The following GRID2 variants were observed in gnomAD, a reference collection of about 807,000 sequenced individuals.
The protein encoded by GRID2 is glutamate ionotropic receptor delta type subunit 2, also known as glutamate receptor ionotropic, delta-2.
GRID2 carries 33 observed loss-of-function variants against 114.8 expected under a neutral mutation model. That is an observed-to-expected ratio of 0.29 (90% confidence interval 0.22 to 0.38). The LOEUF (loss-of-function observed/expected upper bound fraction) is 0.38, where lower values mean the gene tolerates loss of function less well. Among genes scored for constraint, GRID2 ranks in the 10% least tolerant of loss-of-function variants. The pLI is 1.00. For synonymous variants in GRID2, 505 were observed against 449.9 expected, an observed-to-expected ratio of 1.12 and a Z score of -1.55; for missense variants, 1,184 against 1,257.7, an observed-to-expected ratio of 0.94 and a Z score of 0.89.
chr4:92,787,377 G>T (rs1166219994), intron 2 of GRID2, among the ~76,000 whole-genome samples: 1 of 151,940 alleles, frequency 6.6e-6, no homozygotes, highest in African/African-American at 2.4e-5. Flanking sequence ...TGAAAAAGAG[G>T]TGAGGAATTT....
intron 2 of GRID2, among the ~76,000 whole-genome samples, chr4:92,709,085 A>G (rs1349338458): frequency 6.6e-6 from 1 of 152,162 alleles, no homozygotes; most frequent in East Asian, 1.9e-4. Context: ...GGGCCATTAT[A>G]CCAGCCCTGG....
At chr4:93,567,653 A>T (rs1735555539) in intron 13 of GRID2, among the ~76,000 whole-genome samples, 1 of 152,194 alleles carries the variant, frequency 6.6e-6, no homozygotes, top group African/African-American at 2.4e-5. Flanking sequence ...AATTTAACAG[A>T]CATATTTTCA....
intron 1 of GRID2, among the ~76,000 whole-genome samples, chr4:93,800,974 A>G (rs1406030440): frequency 6.6e-6 from 1 of 152,228 alleles, no homozygotes; most frequent in Non-Finnish European, 1.5e-5. Flanking sequence ...CATTAGCACA[A>G]AAACGTAATT....
intron 2 of GRID2, among the ~76,000 whole-genome samples, chr4:92,619,455 A>C (rs2149236907): frequency 6.6e-6 from 1 of 151,784 alleles, no homozygotes; most frequent in Non-Finnish European, 1.5e-5. Context: ...TCTGACTAGT[A>C]TTCTAATCTG....
intron 1 of GRID2, among the ~76,000 whole-genome samples, chr4:92,353,988 T>C (rs1728197048): frequency 6.6e-6 from 1 of 152,036 alleles, no homozygotes; most frequent in Non-Finnish European, 1.5e-5. Flanking sequence ...TTGCAATGTT[T>C]TCAAGAAATG....
chr4:92,881,955 T>C (rs1746052441), intron 2 of GRID2, among the ~76,000 whole-genome samples: 2 of 152,178 alleles, frequency 1.3e-5, no homozygotes, highest in African/African-American at 4.8e-5. Context: ...ATGTTAGGAA[T>C]TAATTTTCTA....
chr4:92,732,494 A>G (rs559773685), intron 2 of GRID2, among the ~76,000 whole-genome samples: 1 of 152,166 alleles, frequency 6.6e-6, no homozygotes, highest in South Asian at 2.1e-4. Flanking sequence ...ACAAAGTTTC[A>G]TTACAGAGTG....
intron 7 of GRID2, among the ~76,000 whole-genome samples, chr4:93,230,720 G>T (rs1746030946): frequency 6.9e-6 from 1 of 145,680 alleles, no homozygotes; most frequent in South Asian, 2.1e-4. Flanking sequence ...CATTTTTCTT[G>T]TTCATGGCAA....
chr4:92,779,359 AT>A (rs1204128126), intron 2 of GRID2, among the ~76,000 whole-genome samples: 2 of 152,036 alleles, frequency 1.3e-5, no homozygotes, highest in Non-Finnish European at 2.9e-5. Context: ...TAAAATCTTT[AT>A]GTAAATAATA....
At chr4:92,611,308 C>T (rs183328055) in intron 2 of GRID2, among the ~76,000 whole-genome samples, 3 of 151,600 alleles carry the variant, frequency 2.0e-5, no homozygotes, top group African/African-American at 7.2e-5. Context: ...GGACTCTCCA[C>T]TTAGGTTTCA....
intron 13 of GRID2, among the ~76,000 whole-genome samples, chr4:93,617,610 T>C (rs1335250257): frequency 6.6e-6 from 1 of 152,200 alleles, no homozygotes; most frequent in African/African-American, 2.4e-5. Context: ...CGGGTCATGC[T>C]GGCATTGGTA....
chr4:92,537,494 T>C (rs1725701514), intron 1 of GRID2, among the ~76,000 whole-genome samples: 1 of 152,162 alleles, frequency 6.6e-6, no homozygotes, highest in Non-Finnish European at 1.5e-5. Flanking sequence ...AAAGCAGTTG[T>C]TTTAATTGGC....
At chr4:93,187,149 T>C (rs1033095204) in intron 4 of GRID2, among the ~76,000 whole-genome samples, 4 of 152,132 alleles carry the variant, frequency 2.6e-5, no homozygotes, top group African/African-American at 7.2e-5. Context: ...CTTTGATGAG[T>C]AGGTTTTCAT....
intron 13 of GRID2, among the ~76,000 whole-genome samples, chr4:93,595,533 G>A (rs1738992976): frequency 6.6e-6 from 1 of 152,118 alleles, no homozygotes; most frequent in African/African-American, 2.4e-5. Context: ...ATGAAACACT[G>A]CATGAAAAGC....
At chr4:92,927,817 A>T (rs891823611) in intron 2 of GRID2, among the ~76,000 whole-genome samples, 7 of 151,736 alleles carry the variant, frequency 4.6e-5, no homozygotes, top group Admixed American at 3.3e-4. Context: ...CTTCTCAATG[A>T]TGAGGATTAA....
chr4:93,102,629 G>T (rs1731810702), intron 3 of GRID2, among the ~76,000 whole-genome samples: 1 of 151,854 alleles, frequency 6.6e-6, no homozygotes, highest in South Asian at 2.1e-4. Context: ...ATGCAACCTA[G>T]AGAGTTGGGC....
rs1181601493 is a variant in GRID2 at position 92,641,365 on chromosome 4, G to A, written c.244+51079G>A. 4.0e-5 allele frequency among the ~76,000 whole-genome samples: 6 copies of A among 151,462 alleles called. No individual in the cohort carries two copies. The Admixed American group carries it at 4.0e-4, about 10-fold the overall frequency. ...CTGGACTCAATCATGGCTTACTGAAGCCTCGAAATCCTGGGCTCAAGCAAT... is the reference window on the plus strand; with the variant it reads ...CTGGACTCAATCATGGCTTACTGAAACCTCGAAATCCTGGGCTCAAGCAAT... On this transcript the variant is annotated intron_variant, in intron 2 of 15. Transcript: ENST00000282020.
intron 8 of GRID2, among the ~76,000 whole-genome samples, chr4:93,346,013 T>C (rs914750800): frequency 6.6e-6 from 1 of 152,166 alleles, no homozygotes; most frequent in Non-Finnish European, 1.5e-5. Flanking sequence ...ATGTATGTTT[T>C]TATGCCAACA....
intron 2 of GRID2, among the ~76,000 whole-genome samples, chr4:92,675,593 C>T (rs964035578): frequency 1.3e-5 from 2 of 150,634 alleles, no homozygotes; most frequent in Non-Finnish European, 2.9e-5. Flanking sequence ...CTCTGTCACC[C>T]AGGCTGGAGT....
Sources: allele counts gnomAD v4.1 joint callset (sites outside exome capture counted in the v4.1 genomes callset), GRCh38; gene constraint gnomAD v4.1.1; transcripts MANE v1.5; gene names NCBI Gene and HGNC (gene_info 2026-07-23, HGNC 2026-07-21).